BLMH: variants seen among roughly 807,000 people sequenced by gnomAD.
BLMH encodes BLM hydrolase.
In BLMH, 32 loss-of-function variants were observed where a neutral mutation model predicts 61.6. The observed-to-expected ratio is 0.52, with a 90% confidence interval of 0.39 to 0.70. The LOEUF (loss-of-function observed/expected upper bound fraction) is 0.70, where lower values mean the gene tolerates loss of function less well. Among genes scored for constraint, BLMH ranks in the 30% least tolerant of loss-of-function variants. BLMH has a pLI of 0.00. For synonymous variants in BLMH, 183 were observed against 193.8 expected (o/e 0.94, Z 0.46); for missense variants, 460 against 555.5 (o/e 0.83, Z 1.73).
At chr17:30,279,879 A>T (rs1010214881) in intron 6 of BLMH, among the ~76,000 whole-genome samples, 6 of 152,228 alleles carry the variant, frequency 3.9e-5, no homozygotes, top group African/African-American at 1.2e-4. Flanking sequence ...AGCATGGTAA[A>T]AGAAACAGAA....
rs763201851 is a variant in BLMH, at chr17:30,289,410, A to T, written c.284T>A (p.Phe95Tyr). ...AAACAGGTAAGATTGGCTAAACTCA[A>T]ATTCTTCAATATTTAACTTTTTCAT... is the stretch of plus-strand genomic sequence containing the variant. ...PFMKKLNIEEFEFSQSYLFFW... is the reference protein window; with the variant it reads ...PFMKKLNIEEYEFSQSYLFFW... Residue 95 changes from phenylalanine (F) to tyrosine (Y), a missense_variant, in exon 3 of 12, where the codon TTT becomes TAT. By Grantham distance (22) the Phe-to-Tyr change is conservative. Coordinates refer to ENST00000261714, the MANE Select transcript of BLMH (RefSeq NM_000386.4). 1.2e-6 allele frequency: 2 copies of T among 1,612,000 alleles called. No homozygotes were observed. Among genetic ancestry groups the T allele is most frequent in the Non-Finnish European group, 1.7e-6 (2 of 1,178,650 alleles).
chr17:30,273,213 C>G (rs1908327217), intron 7 of BLMH: 1 of 208,952 alleles, frequency 4.8e-6, no homozygotes, highest in Admixed American at 5.4e-5. Context: ...GTCGCCCAGG[C>G]TGGAGTGCAA....
At chr17:30,258,516 G>A (rs1382817557) in intron 11 of BLMH, among the ~76,000 whole-genome samples, 1 of 152,142 alleles carries the variant, frequency 6.6e-6, no homozygotes. Context: ...AAAAGGGGTT[G>A]TTTTGGCTTG....
intron 11 of BLMH, among the ~76,000 whole-genome samples, chr17:30,258,238 G>C (rs769818640): frequency 1.3e-5 from 2 of 151,356 alleles, no homozygotes; most frequent in Non-Finnish European, 2.9e-5. Context: ...AAAAAAGCCA[G>C]AGGAAGAGAA....
chr17:30,288,286 G>A, intron 3 of BLMH: 1 of 210,352 alleles, frequency 4.8e-6, no homozygotes, highest in Non-Finnish European at 9.6e-6. Flanking sequence ...AATATATTGT[G>A]TATATGTGTA....
intron 11 of BLMH, among the ~76,000 whole-genome samples, chr17:30,258,238 G>A (rs769818640): frequency 4.0e-5 from 6 of 151,356 alleles, no homozygotes; most frequent in South Asian, 4.2e-4. Flanking sequence ...AAAAAAGCCA[G>A]AGGAAGAGAA....
chr17:30,272,903 T>C lies in BLMH; in HGVS notation c.802-4A>G, dbSNP rs1212824144. ...TAGGGTCATTCACTAAACAAATCTA[T>C]CAAGATCAAGAACACATTAATTAGG... On this transcript the variant is annotated splice_polypyrimidine_tract_variant and splice_region_variant and intron_variant, in intron 7 of 11. Coordinates refer to ENST00000261714, the MANE Select transcript of BLMH (RefSeq NM_000386.4). 2 of 1,613,330 alleles carry C rather than the reference T, an allele frequency of 1.2e-6. No individual in the cohort carries two copies. Among genetic ancestry groups the C allele is most frequent in the Non-Finnish European group, 1.7e-6 (2 of 1,179,810 alleles).
intron 11 of BLMH, among the ~76,000 whole-genome samples, chr17:30,258,678 G>T (rs1349554899): frequency 6.6e-6 from 1 of 152,124 alleles, no homozygotes; most frequent in Non-Finnish European, 1.5e-5. Flanking sequence ...CATGAGCTAG[G>T]CAGCCCTGAG....
At chr17:30,288,458 TCCTCCTA>T (rs1908790721) in intron 3 of BLMH, among the ~76,000 whole-genome samples, 1 of 152,176 alleles carries the variant, frequency 6.6e-6, no homozygotes, top group Admixed American at 6.5e-5. Flanking sequence ...GCTCAAGCAA[TCCTCCTA>T]CCTCAGCCTC....
At chr17:30,268,947 G>A (rs1038948519) in intron 10 of BLMH, among the ~76,000 whole-genome samples, 3 of 150,420 alleles carry the variant, frequency 2.0e-5, no homozygotes, top group Admixed American at 2.0e-4. Context: ...GGCTGAGGCA[G>A]GAGAATAGCT....
chr17:30,285,253 T>C, intron 6 of BLMH, 135 bp downstream of exon 6: 1 of 650,016 alleles, frequency 1.5e-6, no homozygotes, highest in Non-Finnish European at 2.5e-6. Context: ...GTTTTTTCAG[T>C]GTAAAATAAG....
chr17:30,250,228 A>G (rs908797683), intron 11 of BLMH: 1 of 152,224 alleles, frequency 6.6e-6, no homozygotes, highest in Non-Finnish European at 1.5e-5. Context: ...ACATAAATAA[A>G]TGGGACCTAA....
rs762139238 is a variant in BLMH, at chr17:30,266,967, G to A, written c.1147-13C>T. The stretch of plus-strand genomic sequence containing the variant: ...CATCCTGATCATCCTGCAAAAAAGT[G>A]GATGATGGTGAGTAGTCTGAAGCCA... On this transcript the variant is annotated splice_polypyrimidine_tract_variant and intron_variant, in intron 10 of 11. Coordinates refer to ENST00000261714, the MANE Select transcript of BLMH (RefSeq NM_000386.4). The A allele has an allele frequency of 4.3e-6, 7 of 1,613,454 alleles. No homozygotes were observed. The highest frequency in any genetic ancestry group is 3.3e-5 in the South Asian group (3 of 91,052).
In BLMH at chr17:30,273,695, CA is replaced by C; in HGVS notation, c.801+346del. ...ACAGGAGAGTTCCCCGAGGGGACCT[CA>C]GTGCAAAAGTGCTCTGAATCCACGA... On this transcript the variant is annotated intron_variant, in intron 7 of 11. Transcript: ENST00000261714. The C allele has an allele frequency of 1.5e-5, 4 of 274,180 alleles. No homozygotes were observed. The South Asian group carries it at 1.8e-4, about 12-fold the overall frequency. 17.0% of individuals were successfully genotyped at this position (274,180 alleles called of 1,614,324 possible).
chr17:30,291,226 A>G (rs763473977), intron 2 of BLMH, 85 bp downstream of exon 2: 2 of 1,503,974 alleles, frequency 1.3e-6, no homozygotes, highest in Non-Finnish European at 9.0e-7. Context: ...TTCAGTACGA[A>G]TTTAAGACCA....
chr17:30,278,416 G>A (rs1908483217), intron 6 of BLMH, among the ~76,000 whole-genome samples: 1 of 152,152 alleles, frequency 6.6e-6, no homozygotes, highest in Non-Finnish European at 1.5e-5. Context: ...AGCCCATTTA[G>A]GGAAATGTAT....
Position 30,281,094 on chromosome 17 carries a change from T to TG in BLMH, c.645+4293_645+4294insC, listed in dbSNP as rs1451446691. On this transcript the variant is annotated intron_variant, in intron 6 of 11. Coordinates refer to ENST00000261714, the MANE Select transcript of BLMH (RefSeq NM_000386.4). ...TTTTTTTTTGTTGTTTCTTTGTTGT[T>TG]TTTTTTTTTTTTTTTAAAGTAAAAC... 9.9e-5 allele frequency among the ~76,000 whole-genome samples: 12 copies of TG among 121,314 alleles called. No individual in the cohort carries two copies. The East Asian group carries it at 1.1e-3, about 11-fold the overall frequency. The allele number at this position is 121,314 out of a possible 152,430, so 79.6% of individuals were successfully genotyped here.
chr17:30,249,416 G>A (rs1907614585), intron 11 of BLMH: 2 of 455,952 alleles, frequency 4.4e-6, no homozygotes, highest in Admixed American at 3.5e-5. Context: ...AGGTCACATG[G>A]TGAGGTTCAG....
At chr17:30,270,568 G>A (rs1407506605) in intron 10 of BLMH, among the ~76,000 whole-genome samples, 1 of 151,950 alleles carries the variant, frequency 6.6e-6, no homozygotes, top group African/African-American at 2.4e-5. Flanking sequence ...TGACTTTCCA[G>A]GAATTAGGCT....
Sources: gnomAD v4.1 joint callset for allele counts (sites outside exome capture counted in the v4.1 genomes callset) on GRCh38, gnomAD v4.1.1 for gene constraint, MANE v1.5 for transcripts, NCBI Gene and HGNC (gene_info 2026-07-23, HGNC 2026-07-21) for gene names.